AGAP3: variants seen among roughly 807,000 people sequenced by gnomAD.
AGAP3 encodes the protein ArfGAP with GTPase domain, ankyrin repeat and PH domain 3, also known as arf-GAP with GTPase, ANK repeat and PH domain-containing protein 3.
A neutral mutation model predicts 96.9 loss-of-function variants in AGAP3; 24 were observed. The ratio of observed to expected loss-of-function variants is 0.25; its 90% confidence interval spans 0.18 to 0.35. AGAP3 has a LOEUF of 0.35. AGAP3 is among the 10% of genes least tolerant of loss of function. AGAP3 has a pLI of 1.00. For synonymous variants in AGAP3, 563 were observed against 536.1 expected (o/e 1.05, Z -0.69); for missense variants, 876 against 1,254.2 (o/e 0.70, Z 4.55).
rs568035486 is a variant in AGAP3, at chr7:151,139,317, C to T, written c.1667-662C>T. The stretch of plus-strand genomic sequence containing the variant: ...GGTGCCAGCACGGGGATCTGCCCCA[C>T]CTCCCAATCCATGCCCAGCCCACCC... On this transcript the variant is annotated intron_variant, in intron 12 of 17. Transcript: ENST00000397238. This position sits in a 1 kb window ranked among gnomAD's most constrained non-coding sequence, Gnocchi z 4.9. Among the ~76,000 whole-genome samples the T allele has an allele frequency of 6.6e-6, 1 of 152,336 alleles. No homozygotes were observed. The highest frequency in any genetic ancestry group is 2.4e-5 in the African/African-American group (1 of 41,576).
At position 151,090,714 on chromosome 7, in the gene AGAP3, C is replaced by T. The variant is rs187585339; in HGVS notation, c.331+3642C>T. On this transcript the variant is annotated intron_variant, in intron 1 of 17. Transcript: ENST00000397238. ...ATCCCAACATTTTGGGAGACCAAGG[C>T]GGGCGGATCACGAGGTCAGGAGATC... is the stretch of plus-strand genomic sequence containing the variant. 5.8e-3 allele frequency among the ~76,000 whole-genome samples: 884 copies of T among 152,190 alleles called. 8 individuals carry two copies. The highest frequency in any genetic ancestry group is 0.02 in the African/African-American group (822 of 41,518).
In AGAP3 at chr7:151,091,348, G is replaced by A. The variant is rs73474700; in HGVS notation, c.331+4276G>A. 5.4e-3 allele frequency among the ~76,000 whole-genome samples: 824 copies of A among 152,362 alleles called. 10 individuals are homozygous for A. The highest frequency in any genetic ancestry group is 0.018 in the African/African-American group (768 of 41,574). ...TGGTTGCTTATGCAGGACTTTGCTC[G>A]CAAGAGTTCTAGCAATTCTGAAAAA... On this transcript the variant is annotated intron_variant, in intron 1 of 17. Coordinates refer to ENST00000397238, the MANE Select transcript of AGAP3 (RefSeq NM_031946.7).
chr7:151,117,559 C>T, intron 4 of AGAP3, 77 bp from the exon 5 acceptor site: 1 of 1,611,574 alleles, frequency 6.2e-7, no homozygotes, highest in South Asian at 1.1e-5. Flanking sequence ...GGAGAAGGGT[C>T]TACTTGAGTT....
At chr7:151,106,490 T>C (rs1799059556) in intron 1 of AGAP3, among the ~76,000 whole-genome samples, 1 of 151,970 alleles carries the variant, frequency 6.6e-6, no homozygotes, top group South Asian at 2.1e-4. Flanking sequence ...GTGCTTTTTT[T>C]TGTTTTTAAG....
At chr7:151,116,980 C>T (rs1307865675) in intron 2 of AGAP3, 115 bp from the exon 3 acceptor site, 5 of 1,474,106 alleles carry the variant, frequency 3.4e-6, no homozygotes, top group Admixed American at 1.7e-5. Context: ...TCTGCCCTCT[C>T]TCCTCCCCTT....
chr7:151,099,278 G>A (rs1201944083), intron 1 of AGAP3, among the ~76,000 whole-genome samples: 20 of 150,522 alleles, frequency 1.3e-4, no homozygotes, highest in Admixed American at 5.3e-4. Flanking sequence ...GGGAGGCGGA[G>A]CTTGCAGTGA....
chr7:151,123,574 C>G, intron 8 of AGAP3: 2 of 1,382,460 alleles, frequency 1.4e-6, no homozygotes. Flanking sequence ...AAGGGGCGGG[C>G]CCGGCTCAGT....
At chr7:151,087,342 T>G (rs1490488322) in intron 1 of AGAP3, 10 of 452,252 alleles carry the variant, frequency 2.2e-5, no homozygotes, top group Non-Finnish European at 2.9e-5. Context: ...GGACCAGATC[T>G]GTCCAGGCCT....
At chr7:151,116,183 G>C (rs1799572798) in intron 1 of AGAP3, 1 of 152,728 alleles carries the variant, frequency 6.5e-6, no homozygotes, top group Middle Eastern at 3.4e-3. Flanking sequence ...ACAGACTGAA[G>C]GGAAGGGAGC....
Position 151,138,190 on chromosome 7 carries a change from C to T in AGAP3, c.1543C>T (p.Leu515Phe). 1 of 1,610,136 alleles carries T rather than the reference C, an allele frequency of 6.2e-7. No homozygotes were observed. Among genetic ancestry groups the T allele is most frequent in the East Asian group, 2.2e-5 (1 of 44,678 alleles). Residue 515 changes from leucine (L) to phenylalanine (F), a missense_variant, in exon 12 of 18, where the codon CTC (leucine) becomes TTC (phenylalanine). Physicochemically the swap from Leu to Phe is conservative, Grantham distance 22. This residue lies in a region of AGAP3 where 155 missense variants were observed against 144.4 expected (regional missense o/e 1.07). Transcript: ENST00000397238. ...CGCATCCCTGCACTCTGAGCGCCCC[C>T]TCAGCAGCTCGGCCTGGGCTGGCCC... ...SSASLHSERP[L>F]SSSAWAGPRP...
intron 1 of AGAP3, chr7:151,115,746 G>A: frequency 1.5e-6 from 1 of 685,928 alleles, no homozygotes. Context: ...GGGCTGGCGG[G>A]GTCTGGGGTC....
rs10276050 is a variant in AGAP3, at chr7:151,116,451, G to A, written c.332-342G>A. 1.4e-3 allele frequency: 517 copies of A among 367,678 alleles called. 1 individual carries two copies. Among genetic ancestry groups the A allele is most frequent in the African/African-American group, 1.0e-2 (480 of 48,096 alleles). 22.8% of individuals were successfully genotyped at this position (367,678 alleles called of 1,614,324 possible). A position where few individuals can be genotyped will look rare whatever the true frequency, so the allele number is the denominator to read the frequency against. ...CTGGAGTGGCCTCTAACCTGGGCCT[G>A]GTATTTGGGCCACAGGGGCACTAGG... On this transcript the variant is annotated intron_variant, in intron 1 of 17. Coordinates refer to ENST00000397238, the MANE Select transcript of AGAP3 (RefSeq NM_031946.7).
intron 1 of AGAP3, chr7:151,112,299 C>T (rs1194326786): frequency 6.6e-6 from 1 of 152,192 alleles, no homozygotes; most frequent in Non-Finnish European, 1.5e-5. Context: ...GGCACTTTCT[C>T]CTTGGACTGA....
chr7:151,128,908 C>T (rs1463059679), intron 10 of AGAP3, among the ~76,000 whole-genome samples: 2 of 152,242 alleles, frequency 1.3e-5, no homozygotes, highest in African/African-American at 2.4e-5. Context: ...GTATATCCGA[C>T]TTTCCAGTTG....
intron 1 of AGAP3, among the ~76,000 whole-genome samples, chr7:151,111,791 C>G (rs533711834): frequency 2.0e-5 from 3 of 152,330 alleles, no homozygotes; most frequent in African/African-American, 4.8e-5. Context: ...GAGATTTCCT[C>G]TTAGTCCCCC....
At chr7:151,112,725 A>G (rs576651588) in intron 1 of AGAP3, among the ~76,000 whole-genome samples, 16 of 152,016 alleles carry the variant, frequency 1.1e-4, no homozygotes, top group Admixed American at 2.6e-4. Flanking sequence ...CAGCCTCTCA[A>G]GTAGCTGGGA....
In AGAP3 at chr7:151,118,020, G is replaced by A. The variant is rs983964330; in HGVS notation, c.707-190G>A. The A allele has an allele frequency of 2.9e-5, 26 of 894,816 alleles. No homozygotes were observed. Among genetic ancestry groups the A allele is most frequent in the Non-Finnish European group, 4.2e-5 (25 of 596,298 alleles). 55.4% of individuals were successfully genotyped at this position (894,816 alleles called of 1,614,324 possible). On this transcript the variant is annotated intron_variant, in intron 5 of 17. Coordinates refer to ENST00000397238, the MANE Select transcript of AGAP3 (RefSeq NM_031946.7). The surrounding 1 kb of genome is among the most constrained non-coding windows in gnomAD (Gnocchi z 6.1). ...ATGAATAAACGTGCTCAGAGCTTAA[G>A]TGCTTGCTGGTTTGCACTCAGTGAG...
chr7:151,130,694 G>A (rs184397146), intron 10 of AGAP3, among the ~76,000 whole-genome samples: 7 of 152,222 alleles, frequency 4.6e-5, no homozygotes, highest in East Asian at 1.9e-4. Flanking sequence ...CACAGGCCCC[G>A]AAGCATACTG....
At position 151,118,109 on chromosome 7, in the gene AGAP3, A is replaced by T. The variant is rs1021862889; in HGVS notation, c.707-101A>T. 19 of 1,467,994 alleles carry T rather than the reference A, an allele frequency of 1.3e-5. No homozygotes were observed. Among genetic ancestry groups the T allele is most frequent in the Non-Finnish European group, 1.7e-5 (18 of 1,082,632 alleles). 90.9% of individuals were successfully genotyped at this position (1,467,994 alleles called of 1,614,324 possible). ...TCTTGGTGCTCTGTGTGTTCCACTC[A>T]CCAGGCCCTTTGCACACCTGCCCTT... On this transcript the variant is annotated intron_variant, in intron 5 of 17. Coordinates refer to ENST00000397238, the MANE Select transcript of AGAP3 (RefSeq NM_031946.7). The surrounding 1 kb of genome is among the most constrained non-coding windows in gnomAD (Gnocchi z 6.1).
Sources: allele counts gnomAD v4.1 joint callset (sites outside exome capture counted in the v4.1 genomes callset), GRCh38; gene constraint gnomAD v4.1.1; regional missense constraint gnomAD v4.1.1; non-coding constraint Gnocchi (gnomAD v3.1); transcripts MANE v1.5; gene names NCBI Gene and HGNC (gene_info 2026-07-23, HGNC 2026-07-21).